NSD1: variants seen among roughly 807,000 people sequenced by gnomAD.
NSD1 encodes the protein histone-lysine N-methyltransferase, H3 lysine-36 specific.
Under a neutral mutation model 242.7 loss-of-function variants are expected in NSD1, and 26 were observed. The observed-to-expected ratio is 0.11, with a 90% CI of 0.08 to 0.15. The LOEUF (loss-of-function observed/expected upper bound fraction) is 0.15. NSD1 is among the 10% of genes least tolerant of loss of function. The pLI, the probability that NSD1 is intolerant of heterozygous loss-of-function variation, is 1.00. For missense variants in NSD1, 2,495 were observed against 3,272.8 expected (o/e 0.76, Z 5.80); for synonymous variants, 1,106 against 1,178.1 (o/e 0.94, Z 1.25).
intron 2 of NSD1, among the ~76,000 whole-genome samples, chr5:177,162,076 T>C (rs886241890): frequency 2.0e-5 from 3 of 151,978 alleles, no homozygotes; most frequent in Non-Finnish European, 2.9e-5. Flanking sequence ...GGTGGGCAGA[T>C]CACCTGAGAT....
At chr5:177,293,809 T>C (rs770005836) in intron 22 of NSD1, 23 bp from the exon 23 acceptor site, 1 of 1,613,706 alleles carries the variant, frequency 6.2e-7, no homozygotes, top group Non-Finnish European at 8.5e-7. Context: ...TCCTAAACTT[T>C]TGATTTACTT....
Position 177,211,685 on chromosome 5 carries a change from C to T in NSD1, c.3286C>T (p.His1096Tyr), listed in dbSNP as rs202208033. The stretch of plus-strand genomic sequence containing the variant: ...AGAGGATCCCCTTCAGATAATGGGC[C>T]ACTTAACAAGTGAAGATGGTGACCA... ...SKEDPLQIMG[H>Y]LTSEDGDHFS... Residue 1096 changes from histidine to tyrosine, a missense_variant, in exon 5 of 23, where the codon CAC becomes TAC. Around this residue, in one of 19 missense-constraint regions of NSD1, gnomAD observed 426 missense variants for 411.4 expected, o/e 1.04. Transcript: ENST00000439151. The T allele has an allele frequency of 1.2e-4, 186 of 1,614,000 alleles. No homozygotes were observed. The highest frequency in any genetic ancestry group is 1.0e-3 in the South Asian group (91 of 91,058).
At chr5:177,291,384 G>T (rs948843828) in intron 21 of NSD1, among the ~76,000 whole-genome samples, 1 of 152,214 alleles carries the variant, frequency 6.6e-6, no homozygotes, top group Non-Finnish European at 1.5e-5. Flanking sequence ...GCCAGGTGCG[G>T]TGGCTCACGC....
At chr5:177,283,213 C>G (rs1166850255) in intron 19 of NSD1, among the ~76,000 whole-genome samples, 1 of 152,204 alleles carries the variant, frequency 6.6e-6, no homozygotes, top group Non-Finnish European at 1.5e-5. Context: ...CTCGGACTCC[C>G]AAAGTGCTGG....
At chr5:177,272,083 T>C (rs1757985836) in intron 16 of NSD1, among the ~76,000 whole-genome samples, 1 of 152,104 alleles carries the variant, frequency 6.6e-6, no homozygotes, top group South Asian at 2.1e-4. Context: ...CACTCCAGCC[T>C]GGGTGACAGA....
chr5:177,240,429 G>A (rs1214433386), intron 8 of NSD1, among the ~76,000 whole-genome samples: 1 of 151,888 alleles, frequency 6.6e-6, no homozygotes, highest in Non-Finnish European at 1.5e-5. Context: ...CTAGTGTGAT[G>A]GTGGCCGGGC....
In NSD1 at chr5:177,158,996, T is replaced by TA. The variant is rs1491282630; in HGVS notation, c.927+22966_927+22967insA. 3.2e-3 allele frequency among the ~76,000 whole-genome samples: 209 copies of TA among 65,124 alleles called. 2 individuals carry two copies. Among genetic ancestry groups the TA allele is most frequent in the African/African-American group, 0.023 (201 of 8,856 alleles). The allele number at this position is 65,124 out of a possible 152,430, so 42.7% of individuals were successfully genotyped here. ...TATATACACACATATATATGAATGA[T>TA]TTTATATATATATATATATATATAT... On this transcript the variant is annotated intron_variant, in intron 2 of 22. Coordinates refer to ENST00000439151, the MANE Select transcript of NSD1 (RefSeq NM_022455.5).
intron 3 of NSD1, among the ~76,000 whole-genome samples, chr5:177,199,867 T>C (rs1288025069): frequency 1.3e-5 from 2 of 151,996 alleles, no homozygotes; most frequent in African/African-American, 2.4e-5. Context: ...AGTGCTGGGA[T>C]TACAGGAGCG....
At chr5:177,245,844 G>A (rs1424568567) in intron 9 of NSD1, among the ~76,000 whole-genome samples, 3 of 151,828 alleles carry the variant, frequency 2.0e-5, no homozygotes, top group Non-Finnish European at 4.4e-5. Context: ...TCACCATGTT[G>A]GCCAGGATGG....
chr5:177,227,476 A>G (rs1464944822), intron 5 of NSD1, among the ~76,000 whole-genome samples: 3 of 152,134 alleles, frequency 2.0e-5, no homozygotes, highest in Non-Finnish European at 4.4e-5. Context: ...ATTTTTAGAC[A>G]GAGCCTAGCA....
chr5:177,158,786 C>T (rs1758415442), intron 2 of NSD1, among the ~76,000 whole-genome samples: 1 of 130,634 alleles, frequency 7.7e-6, no homozygotes. Flanking sequence ...TGCACCACTG[C>T]ACTCCAGGCT....
intron 2 of NSD1, among the ~76,000 whole-genome samples, chr5:177,147,921 T>G (rs1053951669): frequency 1.3e-5 from 2 of 151,920 alleles, no homozygotes; most frequent in Non-Finnish European, 1.5e-5. Flanking sequence ...CTAAGTAATA[T>G]TCCATGATAC....
At chr5:177,260,508 G>A (rs756007106) in intron 14 of NSD1, among the ~76,000 whole-genome samples, 7 of 151,676 alleles carry the variant, frequency 4.6e-5, no homozygotes, top group Non-Finnish European at 8.8e-5. Context: ...CACCATGCCC[G>A]ACTAATTGTT....
At position 177,228,374 on chromosome 5, in the gene NSD1, G is replaced by A. The variant is rs1471817049; in HGVS notation, c.3797-7447G>A. Among the ~76,000 whole-genome samples, 5 of 151,024 alleles carry A rather than the reference G, an allele frequency of 3.3e-5. No individual in the cohort carries two copies. In the East Asian group the frequency reaches 5.8e-4, roughly 18 times the overall value. ...TGCAACTACAGACATGCACCACCAC[G>A]CTAAGCAGATTTTTGTATTTTTAGT... On this transcript the variant is annotated intron_variant, in intron 5 of 22. Coordinates refer to ENST00000439151, the MANE Select transcript of NSD1 (RefSeq NM_022455.5).
At chr5:177,200,311 G>T (rs577403623) in intron 3 of NSD1, among the ~76,000 whole-genome samples, 10 of 152,076 alleles carry the variant, frequency 6.6e-5, no homozygotes, top group Admixed American at 6.5e-5. Flanking sequence ...ATTTCACCAT[G>T]TTGGCCAGGC....
At chr5:177,151,032 GT>G (rs1394259947) in intron 2 of NSD1, among the ~76,000 whole-genome samples, 1 of 152,200 alleles carries the variant, frequency 6.6e-6, no homozygotes, top group Non-Finnish European at 1.5e-5. Flanking sequence ...CGTTAAGTCT[GT>G]TTTTATAATT....
At chr5:177,131,881 T>C (rs1379779488), upstream of NSD1, among the ~76,000 whole-genome samples, 1 of 152,202 alleles carries the variant, frequency 6.6e-6, no homozygotes, top group Non-Finnish European at 1.5e-5. Context: ...GGATCCGGCT[T>C]TCTCTGAACA....
intron 2 of NSD1, among the ~76,000 whole-genome samples, chr5:177,146,049 A>G (rs1757212913): frequency 6.6e-6 from 1 of 151,694 alleles, no homozygotes; most frequent in African/African-American, 2.4e-5. Context: ...TGACTGTGCC[A>G]CTGCACTCCA....
intron 2 of NSD1, among the ~76,000 whole-genome samples, chr5:177,163,318 T>G (rs1225848306): frequency 6.6e-6 from 1 of 152,034 alleles, no homozygotes; most frequent in South Asian, 2.1e-4. Context: ...AATTTTTGTA[T>G]TTTTAGTAGA....
Sources: allele counts gnomAD v4.1 joint callset (sites outside exome capture counted in the v4.1 genomes callset), GRCh38; gene constraint gnomAD v4.1.1; regional missense constraint gnomAD v4.1.1; transcripts MANE v1.5; gene names NCBI Gene and HGNC (gene_info 2026-07-23, HGNC 2026-07-21).